Variants in C1orf198 observed in about 807,000 individuals in gnomAD.
C1orf198 encodes chromosome 1 open reading frame 198.
C1orf198 carries 17 observed loss-of-function variants against 31.4 expected under a neutral mutation model. The ratio of observed to expected loss-of-function variants is 0.54; its 90% CI spans 0.37 to 0.81. The LOEUF (loss-of-function observed/expected upper bound fraction) is 0.81. Ranked by LOEUF, C1orf198 falls within the 40% of genes least tolerant of loss-of-function variation. The pLI is 0.00. For synonymous variants in C1orf198, 175 were observed against 193.8 expected (o/e 0.90, Z 0.81); for missense variants, 401 against 450.3 (o/e 0.89, Z 0.99).
chr1:230,842,548 G>A (rs1289556231), intron 3 of C1orf198, among the ~76,000 whole-genome samples: 1 of 152,126 alleles, frequency 6.6e-6, no homozygotes, highest in East Asian at 1.9e-4. Flanking sequence ...CTATGAGGAT[G>A]CAAAGGCATA....
chr1:230,842,657 T>C (rs1257464676), intron 3 of C1orf198, among the ~76,000 whole-genome samples: 1 of 151,782 alleles, frequency 6.6e-6, no homozygotes, highest in Non-Finnish European at 1.5e-5. Flanking sequence ...GCTCGGGTGA[T>C]GGGTGCACCA....
chr1:230,860,916 T>C lies in C1orf198; in HGVS notation c.334-5198A>G, dbSNP rs112236348. On this transcript the variant is annotated intron_variant, in intron 1 of 3. Coordinates refer to ENST00000366663, the MANE Select transcript of C1orf198 (RefSeq NM_032800.3). ...TGTATTTTACCACAATAAAAAGTCA[T>C]GGAAAGACATGGAGGAACCTCAAAT... 2.1e-3 allele frequency among the ~76,000 whole-genome samples: 323 copies of C among 152,222 alleles called. 1 individual carries two copies. The highest frequency in any genetic ancestry group is 7.5e-3 in the African/African-American group (310 of 41,532).
At chr1:230,862,686 T>A (rs1249226855) in intron 1 of C1orf198, among the ~76,000 whole-genome samples, 1 of 152,186 alleles carries the variant, frequency 6.6e-6, no homozygotes, top group Admixed American at 6.5e-5. Context: ...AGTTAAAATA[T>A]CGTTGGTTGC....
Position 230,843,329 on chromosome 1 carries a change from G to C in C1orf198, c.927+25C>G. On this transcript the variant is annotated intron_variant, in intron 3 of 3. Transcript: ENST00000366663. This position sits in a 1 kb window ranked among gnomAD's most constrained non-coding sequence, Gnocchi z 4.9. ...TGGAATAAGGCACCATCCCATCTGA[G>C]GACGCGCTGGTAAAGGCCACTCACC... 1 of 1,550,368 alleles carries C rather than the reference G, an allele frequency of 6.5e-7. No homozygotes were observed.
chr1:230,869,233 T>A (rs1027751692), upstream of C1orf198: 2 of 152,248 alleles, frequency 1.3e-5, no homozygotes, highest in African/African-American at 4.8e-5. Context: ...GGTGGGTGCA[T>A]GAAGTACCCG....
At chr1:230,858,307 T>C (rs1457102512) in intron 1 of C1orf198, among the ~76,000 whole-genome samples, 1 of 152,182 alleles carries the variant, frequency 6.6e-6, no homozygotes, top group African/African-American at 2.4e-5. Context: ...AAGGGCTTTG[T>C]TTTCACATGG....
At chr1:230,866,307 A>G (rs1228527370) in intron 1 of C1orf198, among the ~76,000 whole-genome samples, 3 of 152,188 alleles carry the variant, frequency 2.0e-5, no homozygotes, top group Non-Finnish European at 2.9e-5. Flanking sequence ...TTCAGGGTCT[A>G]TCTGCCCCTC....
intron 1 of C1orf198, among the ~76,000 whole-genome samples, chr1:230,864,349 T>C (rs547423778): frequency 1.3e-5 from 2 of 152,172 alleles, no homozygotes; most frequent in South Asian, 4.2e-4. Context: ...TAAACATAGG[T>C]ACCCATAGCC....
Position 230,857,539 on chromosome 1 carries a change from G to C in C1orf198, c.334-1821C>G, listed in dbSNP as rs1159592272. Reference sequence around the variant, plus strand: ...ATCAACAGGGTAGAGATCTGGTTCTGTGTCCTGATGGCTGTGCTGTGTGCC... The same window carrying C: ...ATCAACAGGGTAGAGATCTGGTTCTCTGTCCTGATGGCTGTGCTGTGTGCC... On this transcript the variant is annotated intron_variant, in intron 1 of 3. Coordinates refer to ENST00000366663, the MANE Select transcript of C1orf198 (RefSeq NM_032800.3). The surrounding 1 kb of genome is among the most constrained non-coding windows in gnomAD (Gnocchi z 4.2). Among the ~76,000 whole-genome samples, 1 of 152,162 alleles carries C rather than the reference G, an allele frequency of 6.6e-6. No homozygotes were observed. The highest frequency in any genetic ancestry group is 2.4e-5 in the African/African-American group (1 of 41,432).
Position 230,860,850 on chromosome 1 carries a change from A to T in C1orf198, c.334-5132T>A, listed in dbSNP as rs553724863. Among the ~76,000 whole-genome samples, 5 of 152,366 alleles carry T rather than the reference A, an allele frequency of 3.3e-5. No individual in the cohort carries two copies. The East Asian group carries it at 9.6e-4, about 29-fold the overall frequency. On this transcript the variant is annotated intron_variant, in intron 1 of 3. Coordinates refer to ENST00000366663, the MANE Select transcript of C1orf198 (RefSeq NM_032800.3). Reference sequence around the variant, plus strand: ...GAGACTGTACTAAATGCCTCGGACTATACACAGAAAAGTGGTTAAAACGGT... The same window carrying T: ...GAGACTGTACTAAATGCCTCGGACTTTACACAGAAAAGTGGTTAAAACGGT...
At position 230,849,560 on chromosome 1, in the gene C1orf198, G is replaced by A. The variant is rs142651928; in HGVS notation, c.385-5664C>T. On this transcript the variant is annotated intron_variant, in intron 2 of 3. Transcript: ENST00000366663. Reference sequence around the variant, plus strand: ...GGCTGGGCGTCAGTCACCCCATGCGGGGAACTGGGTCTCAGTTGGCCATGT... The same window carrying A: ...GGCTGGGCGTCAGTCACCCCATGCGAGGAACTGGGTCTCAGTTGGCCATGT... Among the ~76,000 whole-genome samples, 414 of 152,352 alleles carry A rather than the reference G, an allele frequency of 2.7e-3. 1 individual carries two copies. The highest frequency in any genetic ancestry group is 0.017 in the Middle Eastern group (5 of 292).
At chr1:230,846,207 T>G (rs377060534) in intron 2 of C1orf198, among the ~76,000 whole-genome samples, 1 of 152,372 alleles carries the variant, frequency 6.6e-6, no homozygotes, top group Middle Eastern at 3.4e-3. Flanking sequence ...TTTGGATGCA[T>G]ACTATCAAAT....
At chr1:230,855,878 C>A in intron 1 of C1orf198, 160 bp from the exon 2 acceptor site, 1 of 1,412,290 alleles carries the variant, frequency 7.1e-7, no homozygotes, top group East Asian at 2.5e-5. Flanking sequence ...ATGCGCTGAC[C>A]GTCTTGATCA....
At position 230,838,226 on chromosome 1, in the gene C1orf198, T is replaced by G. The variant is rs1387919920; in HGVS notation, c.*1626A>C. 1 of 152,252 alleles carries G rather than the reference T, an allele frequency of 6.6e-6. No individual in the cohort carries two copies. Among genetic ancestry groups the G allele is most frequent in the Admixed American group, 6.5e-5 (1 of 15,292 alleles). The allele number at this position is 152,252 out of a possible 1,614,324, so 9.4% of individuals were successfully genotyped here. The stretch of plus-strand genomic sequence containing the variant: ...TCACCACCATGCTGAAACCTTTTTT[T>G]GCCTCACATATATCAACTATACTTA... On this transcript the variant is annotated 3_prime_UTR_variant, in exon 4 of 4. Transcript: ENST00000366663. This position sits in a 1 kb window ranked among gnomAD's most constrained non-coding sequence, Gnocchi z 4.2.
Position 230,843,282 on chromosome 1 carries a change from TG to T in C1orf198, c.927+71del. Reference sequence around the variant, plus strand: ...GGGCACCTGTGGCCTGCCTGCTTTGTGGGGGACCCTCTCGGTTCCCGTGGAA... The same window carrying T: ...GGGCACCTGTGGCCTGCCTGCTTTGTGGGGACCCTCTCGGTTCCCGTGGAA... On this transcript the variant is annotated intron_variant, in intron 3 of 3. Coordinates refer to ENST00000366663, the MANE Select transcript of C1orf198 (RefSeq NM_032800.3). The surrounding 1 kb of genome is among the most constrained non-coding windows in gnomAD (Gnocchi z 4.9). The T allele has an allele frequency of 6.7e-7, 1 of 1,498,684 alleles. No individual in the cohort carries two copies. Among genetic ancestry groups the T allele is most frequent in the Non-Finnish European group, 9.0e-7 (1 of 1,114,956 alleles). 92.8% of individuals were successfully genotyped at this position (1,498,684 alleles called of 1,614,324 possible).
At chr1:230,859,661 C>A (rs555948199) in intron 1 of C1orf198, among the ~76,000 whole-genome samples, 1 of 152,102 alleles carries the variant, frequency 6.6e-6, no homozygotes, top group South Asian at 2.1e-4. Context: ...CAGAGGCCAG[C>A]GCTACATGTA....
Position 230,837,785 on chromosome 1 carries a change from A to G in C1orf198, c.*2067T>C, listed in dbSNP as rs1669338660. ...TTAATCTCAGGAGGCTATACCATTAAGAAACATTATTAGAGTTATTGCTGG... is the reference window on the plus strand; with the variant it reads ...TTAATCTCAGGAGGCTATACCATTAGGAAACATTATTAGAGTTATTGCTGG... On this transcript the variant is annotated 3_prime_UTR_variant, in exon 4 of 4. Coordinates refer to ENST00000366663, the MANE Select transcript of C1orf198 (RefSeq NM_032800.3). 6.6e-6 allele frequency: 1 copy of G among 152,234 alleles called. No homozygotes were observed. The highest frequency in any genetic ancestry group is 1.5e-5 in the Non-Finnish European group (1 of 68,042). 9.4% of individuals were successfully genotyped at this position (152,234 alleles called of 1,614,324 possible).
intron 1 of C1orf198, among the ~76,000 whole-genome samples, chr1:230,862,844 T>G (rs1670031264): frequency 6.6e-6 from 1 of 152,226 alleles, no homozygotes; most frequent in African/African-American, 2.4e-5. Context: ...GAGTGAACCC[T>G]AAACTATGGA....
At chr1:230,848,826 C>T (rs1669658221) in intron 2 of C1orf198, among the ~76,000 whole-genome samples, 1 of 152,138 alleles carries the variant, frequency 6.6e-6, no homozygotes, top group Non-Finnish European at 1.5e-5. Context: ...CTGTCTAGAT[C>T]CGACTCTGCT....
Sources: allele counts gnomAD v4.1 joint callset (sites outside exome capture counted in the v4.1 genomes callset), GRCh38; gene constraint gnomAD v4.1.1; non-coding constraint Gnocchi (gnomAD v3.1); transcripts MANE v1.5; gene names NCBI Gene and HGNC (gene_info 2026-07-23, HGNC 2026-07-21).